The following NXN variants were observed in gnomAD, a reference collection of about 807,000 sequenced individuals.
The protein encoded by NXN is nucleoredoxin.
A neutral mutation model predicts 48.6 loss-of-function variants in NXN; 16 were observed. That is an observed-to-expected ratio of 0.33 (90% CI 0.22 to 0.50). NXN has a LOEUF of 0.50. Ranked by LOEUF, NXN falls within the 20% of genes least tolerant of loss-of-function variation. The pLI is 0.98. For synonymous variants in NXN, 281 were observed against 269.6 expected (o/e 1.04, Z -0.41); for missense variants, 492 against 605.5 (o/e 0.81, Z 1.97).
At chr17:823,523 C>T (rs551946677) in intron 3 of NXN, 109 bp downstream of exon 3, 1,112 of 1,295,150 alleles carry the variant, frequency 8.6e-4, no homozygotes, top group Non-Finnish European at 1.2e-3. Flanking sequence ...GCCAGAAGGC[C>T]GGGAAATTCC....
chr17:843,006 G>GAGAAAGAGAGAAAGAGAGAAAGAA (rs1555613117), intron 1 of NXN, among the ~76,000 whole-genome samples: 9 of 96,086 alleles, frequency 9.4e-5, no homozygotes, highest in Non-Finnish European at 1.5e-4. Context: ...GAGAGAAAGA[G>GAGAAAGAGAGAAAGAGAGAAAGAA]AGAAAGAAAG....
At chr17:974,880 G>A (rs1252232246) in intron 1 of NXN, among the ~76,000 whole-genome samples, 1 of 151,876 alleles carries the variant, frequency 6.6e-6, no homozygotes. Flanking sequence ...TGGCTGGAGT[G>A]TAGTGACACA....
intron 1 of NXN, among the ~76,000 whole-genome samples, chr17:895,419 A>G (rs2068468582): frequency 6.6e-6 from 1 of 152,132 alleles, no homozygotes; most frequent in African/African-American, 2.4e-5. Flanking sequence ...GATCAAACAT[A>G]AACCACCATG....
At chr17:856,867 C>A (rs2067991703) in intron 1 of NXN, among the ~76,000 whole-genome samples, 1 of 152,190 alleles carries the variant, frequency 6.6e-6, no homozygotes, top group Non-Finnish European at 1.5e-5. Context: ...CAGCTCTCCT[C>A]TTTTCTTTCT....
rs142260440 is a variant in NXN, at chr17:889,277, G to A, written c.361-63199C>T. Among the ~76,000 whole-genome samples, 418 of 152,298 alleles carry A rather than the reference G, an allele frequency of 2.7e-3. 4 individuals are homozygous for A. The highest frequency in any genetic ancestry group is 9.4e-3 in the African/African-American group (391 of 41,574). ...AGAGCAGAAAGCCCAGCACCTGCAC[G>A]TGCCCTGTGCTTCAGTGATGAAGCT... On this transcript the variant is annotated intron_variant, in intron 1 of 7. Coordinates refer to ENST00000336868, the MANE Select transcript of NXN (RefSeq NM_022463.5).
In NXN at chr17:965,340, C is replaced by A. The variant is rs112959587; in HGVS notation, c.360+13979G>T. 5.7e-3 allele frequency among the ~76,000 whole-genome samples: 872 copies of A among 152,302 alleles called. 4 individuals are homozygous for A. The highest frequency in any genetic ancestry group is 9.9e-3 in the Non-Finnish European group (672 of 68,034). On this transcript the variant is annotated intron_variant, in intron 1 of 7. Coordinates refer to ENST00000336868, the MANE Select transcript of NXN (RefSeq NM_022463.5). Reference sequence around the variant, plus strand: ...GCTGGACTCGACATCAACCCTTCAACAGACCTTCCGGCTTACTTTAGTTAT... The same window carrying A: ...GCTGGACTCGACATCAACCCTTCAAAAGACCTTCCGGCTTACTTTAGTTAT...
chr17:818,779 G>A (rs1567816207), intron 5 of NXN, among the ~76,000 whole-genome samples: 1 of 151,806 alleles, frequency 6.6e-6, no homozygotes, highest in Non-Finnish European at 1.5e-5. Context: ...CAGCTACTGG[G>A]GAGGCTGAGG....
At position 919,139 on chromosome 17, in the gene NXN, T is replaced by C. The variant is rs767925742; in HGVS notation, c.360+60180A>G. On this transcript the variant is annotated intron_variant, in intron 1 of 7. Transcript: ENST00000336868. This position sits in a 1 kb window ranked among gnomAD's most constrained non-coding sequence, Gnocchi z 5.1. ...TCCCAGCACTTTGGGAGGCTGAGGG[T>C]GGATCACGAGGTCAGGAGATCGAGA... Among the ~76,000 whole-genome samples, 2 of 151,302 alleles carry C rather than the reference T, an allele frequency of 1.3e-5. No individual in the cohort carries two copies. Among genetic ancestry groups the C allele is most frequent in the Non-Finnish European group, 2.9e-5 (2 of 67,892 alleles).
At chr17:812,175 C>T (rs1464844534) in intron 5 of NXN, among the ~76,000 whole-genome samples, 3 of 151,790 alleles carry the variant, frequency 2.0e-5, no homozygotes, top group African/African-American at 7.3e-5. Flanking sequence ...GATCCGCCCG[C>T]CTCGGCCTCC....
chr17:806,094 G>C (rs1467922814), intron 5 of NXN, among the ~76,000 whole-genome samples: 1 of 145,268 alleles, frequency 6.9e-6, no homozygotes, highest in Non-Finnish European at 1.5e-5. Flanking sequence ...GACTCGAAGA[G>C]GAGGACAGCT....
intron 1 of NXN, among the ~76,000 whole-genome samples, chr17:881,507 G>A (rs975919863): frequency 5.3e-5 from 8 of 152,198 alleles, no homozygotes; most frequent in African/African-American, 1.2e-4. Flanking sequence ...GATTACAGGC[G>A]TGAGCCGCCA....
Position 933,703 on chromosome 17 carries a change from A to G in NXN, c.360+45616T>C, listed in dbSNP as rs979695334. 5.9e-5 allele frequency among the ~76,000 whole-genome samples: 9 copies of G among 152,252 alleles called. No individual in the cohort carries two copies. In the East Asian group the frequency reaches 1.5e-3, roughly 26 times the overall value. ...AAAACAATGCAATAAGAACACATTC[A>G]AGACACCTCCAGTAAATCCATATCC... On this transcript the variant is annotated intron_variant, in intron 1 of 7. Transcript: ENST00000336868.
intron 1 of NXN, among the ~76,000 whole-genome samples, chr17:908,885 C>T (rs11654028): frequency 0.014 from 2,065 of 151,760 alleles, 44 homozygotes; most frequent in East Asian, 0.083. Flanking sequence ...AGGCAGATCA[C>T]GAGGTCAGGA....
intron 1 of NXN, among the ~76,000 whole-genome samples, chr17:955,301 G>A (rs2069153801): frequency 6.6e-6 from 1 of 151,374 alleles, no homozygotes; most frequent in South Asian, 2.1e-4. Flanking sequence ...CCGAGTAGCT[G>A]GGATTACAGG....
intron 1 of NXN, among the ~76,000 whole-genome samples, chr17:901,730 C>A (rs1324664662): frequency 1.3e-5 from 2 of 152,074 alleles, no homozygotes; most frequent in Admixed American, 1.3e-4. Flanking sequence ...GATGGGATAT[C>A]GCTCTGTCGC....
chr17:885,884 T>C (rs2095633173), intron 1 of NXN, among the ~76,000 whole-genome samples: 1 of 151,592 alleles, frequency 6.6e-6, no homozygotes, highest in Admixed American at 6.6e-5. Flanking sequence ...GAGACGGGGT[T>C]TCACCGTGTC....
intron 1 of NXN, among the ~76,000 whole-genome samples, chr17:846,413 CAA>C (rs757262418): frequency 2.6e-4 from 16 of 62,696 alleles, no homozygotes; most frequent in African/African-American, 3.4e-4. Context: ...GAAATTGTCT[CAA>C]AAAAAAAAAA....
rs540226 is a variant in NXN, at chr17:800,162, T to C, written c.*787A>G. 0.55 allele frequency: 83,391 copies of C among 152,288 alleles called. 23,457 individuals are homozygous for C. Among genetic ancestry groups the C allele is most frequent in the East Asian group, 0.79 (4,069 of 5,162 alleles). The allele number at this position is 152,288 out of a possible 1,614,324, so 9.4% of individuals were successfully genotyped here. On this transcript the variant is annotated 3_prime_UTR_variant, in exon 8 of 8. Transcript: ENST00000336868. The stretch of plus-strand genomic sequence containing the variant: ...AATGGCAGGGGTGATCGAACGTGGG[T>C]GTGGGCACCTCAGCAGAGATCAGGG...
chr17:864,164 G>A (rs935132458), intron 1 of NXN: 1 of 1,092,410 alleles, frequency 9.2e-7, no homozygotes, highest in African/African-American at 2.1e-5. Flanking sequence ...CGGTTCCGGT[G>A]AAGGGACGCG....
Sources: allele counts gnomAD v4.1 joint callset (sites outside exome capture counted in the v4.1 genomes callset), GRCh38; gene constraint gnomAD v4.1.1; non-coding constraint Gnocchi (gnomAD v3.1); transcripts MANE v1.5; gene names NCBI Gene and HGNC (gene_info 2026-07-23, HGNC 2026-07-21).